The following ERC2 variants were observed in gnomAD, a reference collection of about 807,000 sequenced individuals.
ERC2 encodes the protein ERC protein 2.
In ERC2, 42 loss-of-function variants were observed where a neutral mutation model predicts 114.8. The observed-to-expected ratio is 0.37, with a 90% confidence interval of 0.29 to 0.47. The LOEUF (loss-of-function observed/expected upper bound fraction) is 0.47. ERC2 is among the 20% of genes least tolerant of loss of function. ERC2 has a pLI of 0.99. For missense variants in ERC2, 939 were observed against 1,150.7 expected (o/e 0.82, Z 2.66); for synonymous variants, 454 against 425.5 (o/e 1.07, Z -0.82).
chr3:55,799,450 C>CATATATATATGCCTTATATATATATGCAT (rs1559674616), intron 14 of ERC2, among the ~76,000 whole-genome samples: 1 of 106,208 alleles, frequency 9.4e-6, no homozygotes, highest in Non-Finnish European at 1.8e-5. Flanking sequence ...TATATATATG[C>CATATATATATGCCTTATATATATATGCAT]ATATATATAT....
intron 6 of ERC2, among the ~76,000 whole-genome samples, chr3:56,087,531 T>A (rs958048651): frequency 6.6e-6 from 1 of 152,158 alleles, no homozygotes; most frequent in Non-Finnish European, 1.5e-5. Context: ...CTACTTGATG[T>A]GCCATAAATA....
intron 14 of ERC2, among the ~76,000 whole-genome samples, chr3:55,763,310 T>G (rs1277141237): frequency 6.6e-6 from 1 of 152,238 alleles, no homozygotes; most frequent in Admixed American, 6.5e-5. Flanking sequence ...AGAGGTGGAA[T>G]GTGGCTTAAC....
At chr3:55,799,310 T>G (rs899856374) in intron 14 of ERC2, among the ~76,000 whole-genome samples, 1 of 151,092 alleles carries the variant, frequency 6.6e-6, no homozygotes, top group African/African-American at 2.4e-5. Context: ...AGAAACATTG[T>G]GTGTGTAGAT....
chr3:55,885,514 G>A (rs1466394515), intron 14 of ERC2, among the ~76,000 whole-genome samples: 3 of 152,174 alleles, frequency 2.0e-5, no homozygotes, highest in Non-Finnish European at 4.4e-5. Flanking sequence ...TTCACCAAAG[G>A]AATTAACACA....
At chr3:55,534,407 A>AAC (rs1363511960) in intron 17 of ERC2, among the ~76,000 whole-genome samples, 2 of 151,542 alleles carry the variant, frequency 1.3e-5, no homozygotes, top group East Asian at 3.9e-4. Flanking sequence ...AAAAAAAAAA[A>AAC]AAAAGGCCAG....
intron 8 of ERC2, among the ~76,000 whole-genome samples, chr3:56,012,830 C>T (rs541154800): frequency 6.6e-6 from 1 of 152,316 alleles, no homozygotes; most frequent in Non-Finnish European, 1.5e-5. Context: ...CCTAATATAC[C>T]ATGATGTACT....
At chr3:55,632,367 G>C (rs2059791824) in intron 17 of ERC2, among the ~76,000 whole-genome samples, 1 of 152,164 alleles carries the variant, frequency 6.6e-6, no homozygotes, top group Admixed American at 6.5e-5. Context: ...AGGGTACCAG[G>C]GTATGGATGA....
chr3:56,095,021 G>A (rs1331563050), intron 6 of ERC2, among the ~76,000 whole-genome samples: 1 of 152,232 alleles, frequency 6.6e-6, no homozygotes, highest in Admixed American at 6.5e-5. Flanking sequence ...GGGAGGCCAA[G>A]GTGGGAAGAC....
intron 2 of ERC2, among the ~76,000 whole-genome samples, chr3:56,333,628 A>T (rs1305347006): frequency 6.6e-6 from 1 of 152,184 alleles, no homozygotes; most frequent in Non-Finnish European, 1.5e-5. Flanking sequence ...GCAAACCAAG[A>T]TGCTACCTCT....
intron 2 of ERC2, among the ~76,000 whole-genome samples, chr3:56,411,306 C>T (rs1179669935): frequency 6.6e-6 from 1 of 151,636 alleles, no homozygotes; most frequent in African/African-American, 2.4e-5. Context: ...CATCAAAATG[C>T]TCCCTCTGCC....
At chr3:56,227,996 A>C (rs1482156830) in intron 3 of ERC2, among the ~76,000 whole-genome samples, 1 of 152,234 alleles carries the variant, frequency 6.6e-6, no homozygotes, top group Admixed American at 6.5e-5. Flanking sequence ...AGACATGACC[A>C]TGAGAGAAGA....
intron 14 of ERC2, among the ~76,000 whole-genome samples, chr3:55,877,916 A>T (rs1366863314): frequency 2.0e-5 from 3 of 152,122 alleles, no homozygotes; most frequent in Non-Finnish European, 4.4e-5. Flanking sequence ...CGCCCCCTAC[A>T]GTATTAGATC....
At chr3:56,151,124 A>G (rs2081389170) in intron 4 of ERC2, among the ~76,000 whole-genome samples, 2 of 152,158 alleles carry the variant, frequency 1.3e-5, no homozygotes, top group East Asian at 3.8e-4. Flanking sequence ...CACCCAGTCT[A>G]TAGTACTTTG....
intron 2 of ERC2, among the ~76,000 whole-genome samples, chr3:56,304,434 T>C (rs1255327527): frequency 6.6e-6 from 1 of 152,192 alleles, no homozygotes; most frequent in Admixed American, 6.5e-5. Context: ...ATTAAATAAA[T>C]AGAATCAGAA....
intron 10 of ERC2, among the ~76,000 whole-genome samples, chr3:56,005,920 A>C (rs2072449464): frequency 6.6e-6 from 1 of 152,088 alleles, no homozygotes; most frequent in African/African-American, 2.4e-5. Flanking sequence ...TACCCAATAC[A>C]TCATAGCCAA....
intron 15 of ERC2, among the ~76,000 whole-genome samples, chr3:55,701,818 T>C (rs988875358): frequency 2.6e-5 from 4 of 152,154 alleles, no homozygotes; most frequent in African/African-American, 7.2e-5. Context: ...CACCTAAAAT[T>C]CCAGTATTGT....
chr3:56,057,215 G>T (rs924552243), intron 7 of ERC2, among the ~76,000 whole-genome samples: 1 of 152,040 alleles, frequency 6.6e-6, no homozygotes, highest in Admixed American at 6.6e-5. Flanking sequence ...CCATTTTTAA[G>T]TGTCCACTTC....
At chr3:55,634,824 G>T (rs551284435) in intron 17 of ERC2, among the ~76,000 whole-genome samples, 1 of 152,070 alleles carries the variant, frequency 6.6e-6, no homozygotes, top group South Asian at 2.1e-4. Context: ...AAGCAGGAGG[G>T]CAACTCTTCC....
intron 3 of ERC2, among the ~76,000 whole-genome samples, chr3:56,186,114 TAAAAAAAAAAAAAAA>T (rs201544979): frequency 1.8e-4 from 18 of 102,538 alleles, no homozygotes; most frequent in East Asian, 2.5e-4. Flanking sequence ...TCAAGAACCT[TAAAAAAAAAAAAAAA>T]AAAAAAAAAA....
Sources: allele counts gnomAD v4.1 joint callset (sites outside exome capture counted in the v4.1 genomes callset), GRCh38; gene constraint gnomAD v4.1.1; transcripts MANE v1.5; gene names NCBI Gene and HGNC (gene_info 2026-07-23, HGNC 2026-07-21).